The following ZUP1 variants were observed in gnomAD, a reference collection of about 807,000 sequenced individuals.
ZUP1 encodes zinc finger-containing ubiquitin peptidase 1.
Under a neutral mutation model 68.1 loss-of-function variants are expected in ZUP1, and 55 were observed. The ratio of observed to expected loss-of-function variants is 0.81; its 90% CI spans 0.65 to 1.01. The LOEUF is 1.01. Ranked by LOEUF, ZUP1 falls within the 50% of genes least tolerant of loss-of-function variation. The pLI is 0.00. For synonymous variants in ZUP1, 223 were observed against 221.5 expected (o/e 1.01, Z -0.06); for missense variants, 684 against 674.9 (o/e 1.01, Z -0.15).
At chr6:116,656,376 G>A (rs780680027) in intron 5 of ZUP1, among the ~76,000 whole-genome samples, 4 of 151,992 alleles carry the variant, frequency 2.6e-5, no homozygotes, top group African/African-American at 4.8e-5. Flanking sequence ...GAGCCACCGC[G>A]CCCAGCCTCC....
Position 116,645,961 on chromosome 6 carries a change from T to TA in ZUP1, c.1469-28dup, listed in dbSNP as rs774072046. The TA allele has an allele frequency of 2.7e-6, 4 of 1,496,144 alleles. No homozygotes were observed. In the South Asian group the frequency reaches 3.5e-5, roughly 13 times the overall value. 92.7% of individuals were successfully genotyped at this position (1,496,144 alleles called of 1,614,324 possible). A position where few individuals can be genotyped will look rare whatever the true frequency, so the allele number is the denominator to read the frequency against. Reference sequence around the variant, plus strand: ...TATCAAAAGATTTTTAAGTTATACATACGTCACATCTATTTACAGTTATAC... The same window carrying TA: ...TATCAAAAGATTTTTAAGTTATACATAACGTCACATCTATTTACAGTTATAC... On this transcript the variant is annotated intron_variant, in intron 8 of 9. Transcript: ENST00000368576.
At chr6:116,667,345 A>T in intron 1 of ZUP1, 138 bp from the exon 2 acceptor site, 2 of 451,686 alleles carry the variant, frequency 4.4e-6, no homozygotes, top group Non-Finnish European at 7.5e-6. Context: ...TGTTCCTCAA[A>T]TACAAAAACT....
rs761557821 is a variant in ZUP1, at chr6:116,645,872, G to A, written c.1531C>T (p.Leu511Phe). 1 of 1,613,854 alleles carries A rather than the reference G, an allele frequency of 6.2e-7. No individual in the cohort carries two copies. Among genetic ancestry groups the A allele is most frequent in the Admixed American group, 1.7e-5 (1 of 60,012 alleles). ...KKNRTLCLLI[L>F]DPGCPSREMQ... The stretch of plus-strand genomic sequence containing the variant: ...TCTCGAGAAGGACATCCAGGATCAA[G>A]TATTAGTAAGCATAATGTTCGGTTT... Residue 511 changes from leucine (L) to phenylalanine (F), a missense_variant, in exon 9 of 10, where the codon CTT becomes TTT. Transcript: ENST00000368576.
chr6:116,656,564 AT>A, intron 5 of ZUP1, 119 bp downstream of exon 5: 2 of 779,854 alleles, frequency 2.6e-6, no homozygotes, highest in African/African-American at 1.8e-5. Context: ...AAAACAATAC[AT>A]TTTTAAAAAA....
chr6:116,640,282 G>C (rs1175257138), intron 9 of ZUP1, among the ~76,000 whole-genome samples: 3 of 152,174 alleles, frequency 2.0e-5, no homozygotes, highest in Non-Finnish European at 4.4e-5. Flanking sequence ...TTATCCAGGA[G>C]AACTTCCCCA....
chr6:116,641,967 G>A (rs1388372719), intron 9 of ZUP1, among the ~76,000 whole-genome samples: 2 of 151,824 alleles, frequency 1.3e-5, no homozygotes, highest in Non-Finnish European at 2.9e-5. Flanking sequence ...AAAAAAAGAA[G>A]AATCAAACAG....
At chr6:116,650,422 C>CAAAAAAAAAA (rs61692064) in intron 7 of ZUP1, among the ~76,000 whole-genome samples, 1 of 46,552 alleles carries the variant, frequency 2.1e-5, no homozygotes, top group Non-Finnish European at 3.9e-5. Flanking sequence ...AACTCCGTCT[C>CAAAAAAAAAA]AAAAAAAAAA....
At chr6:116,658,001 G>C (rs543830238) in intron 4 of ZUP1, among the ~76,000 whole-genome samples, 47 of 152,326 alleles carry the variant, frequency 3.1e-4, no homozygotes, top group African/African-American at 1.1e-3. Flanking sequence ...GCTGAGGCAG[G>C]AGAATCACTT....
Position 116,651,571 on chromosome 6 carries a change from C to G in ZUP1, c.1316+1G>C. 6.2e-7 allele frequency: 1 copy of G among 1,602,094 alleles called. No homozygotes were observed. Among genetic ancestry groups the G allele is most frequent in the Non-Finnish European group, 8.5e-7 (1 of 1,175,110 alleles). ...ATTTATTTAGGTTTTAAGGTACATA[C>G]TTTACCCTTAGGGAGGTCAGGAGTA... On this transcript the variant is annotated splice_donor_variant, in intron 7 of 9. Transcript: ENST00000368576. LOFTEE classifies it high-confidence loss of function.
intron 9 of ZUP1, among the ~76,000 whole-genome samples, chr6:116,642,128 T>G (rs1583361240): frequency 2.0e-5 from 3 of 152,028 alleles, no homozygotes; most frequent in Admixed American, 2.0e-4. Context: ...CTCCCAAGAC[T>G]AAATCAGGAA....
chr6:116,641,077 C>G (rs1407539912), intron 9 of ZUP1, among the ~76,000 whole-genome samples: 1 of 148,010 alleles, frequency 6.8e-6, no homozygotes, highest in Non-Finnish European at 1.5e-5. Context: ...CAACAAAGAT[C>G]AAAAGAGACA....
chr6:116,664,415 G>A (rs1287255228), intron 2 of ZUP1, among the ~76,000 whole-genome samples: 1 of 144,988 alleles, frequency 6.9e-6, no homozygotes, highest in African/African-American at 2.5e-5. Context: ...TGGGTGACAG[G>A]GCAAAAGTCC....
At chr6:116,662,033 A>G (rs1009596139) in intron 2 of ZUP1, among the ~76,000 whole-genome samples, 2 of 152,246 alleles carry the variant, frequency 1.3e-5, no homozygotes, top group Admixed American at 6.5e-5. Context: ...TACTAAGAAA[A>G]AATAGAAAGA....
At chr6:116,648,329 A>T (rs1181199792) in intron 7 of ZUP1, among the ~76,000 whole-genome samples, 1 of 152,244 alleles carries the variant, frequency 6.6e-6, no homozygotes, top group Non-Finnish European at 1.5e-5. Flanking sequence ...TCATCACTTT[A>T]AACTACAGCA....
intron 5 of ZUP1, 65 bp from the exon 6 acceptor site, chr6:116,652,257 T>A: frequency 1.5e-6 from 2 of 1,291,390 alleles, no homozygotes; most frequent in Non-Finnish European, 2.1e-6. Flanking sequence ...CATACATTTT[T>A]AATATCAACC....
intron 2 of ZUP1, among the ~76,000 whole-genome samples, chr6:116,666,189 A>C (rs1777004893): frequency 6.6e-6 from 1 of 152,144 alleles, no homozygotes; most frequent in South Asian, 2.1e-4. Flanking sequence ...TTTTTTTCCC[A>C]AGTATCCACA....
intron 2 of ZUP1, among the ~76,000 whole-genome samples, chr6:116,665,569 CTTTTTT>C (rs753039436): frequency 6.3e-5 from 7 of 111,586 alleles, no homozygotes; most frequent in African/African-American, 1.7e-4. Flanking sequence ...AAAAATTTTT[CTTTTTT>C]TTTTTTTTTT....
chr6:116,646,016 CAT>C (rs1461758528), intron 8 of ZUP1, 82 bp from the exon 9 acceptor site: 4 of 960,760 alleles, frequency 4.2e-6, no homozygotes, highest in Admixed American at 2.7e-5. Flanking sequence ...GTTGTGTGAT[CAT>C]ATGTGTGTTT....
intron 2 of ZUP1, among the ~76,000 whole-genome samples, chr6:116,661,953 AAATAAGT>A (rs1304240294): frequency 4.6e-5 from 7 of 152,248 alleles, no homozygotes; most frequent in African/African-American, 1.7e-4. Context: ...ATAAACTGTA[AAATAAGT>A]ATGTTCAAAA....
Sources: allele counts gnomAD v4.1 joint callset (sites outside exome capture counted in the v4.1 genomes callset), GRCh38; gene constraint gnomAD v4.1.1; transcripts MANE v1.5; gene names NCBI Gene and HGNC (gene_info 2026-07-23, HGNC 2026-07-21).